Variants in ADGRG3 observed in about 807,000 individuals in gnomAD.
The protein encoded by ADGRG3 is adhesion G protein-coupled receptor G3.
A neutral mutation model predicts 54.3 loss-of-function variants in ADGRG3; 39 were observed. The observed-to-expected ratio is 0.72, with a 90% CI of 0.56 to 0.94. The LOEUF (loss-of-function observed/expected upper bound fraction) is 0.94. Ranked by LOEUF, ADGRG3 falls within the 40% of genes least tolerant of loss-of-function variation. The pLI, the probability that ADGRG3 is intolerant of heterozygous loss-of-function variation, is 0.00. For missense variants in ADGRG3, 654 were observed against 694.6 expected (o/e 0.94, Z 0.66); for synonymous variants, 312 against 290.0 (o/e 1.08, Z -0.77).
At chr16:57,675,012 A>AAAAAAAC (rs35561154) in intron 2 of ADGRG3, among the ~76,000 whole-genome samples, 1 of 115,458 alleles carries the variant, frequency 8.7e-6, no homozygotes, top group Admixed American at 1.1e-4. Context: ...AAAAAAAAAA[A>AAAAAAAC]AGCAGCAGCA....
At chr16:57,676,486 G>A in intron 3 of ADGRG3, 148 bp downstream of exon 3, 1 of 702,066 alleles carries the variant, frequency 1.4e-6, no homozygotes, top group Non-Finnish European at 2.3e-6. Flanking sequence ...TCTGTAAAAT[G>A]AGCTCTAAGA....
At chr16:57,675,835 G>A (rs1434439836) in intron 2 of ADGRG3, among the ~76,000 whole-genome samples, 1 of 152,146 alleles carries the variant, frequency 6.6e-6, no homozygotes, top group African/African-American at 2.4e-5. Flanking sequence ...AGCTTCATGG[G>A]TACGGGTTTC....
At chr16:57,667,075 C>G (rs1325833592), upstream of ADGRG3, among the ~76,000 whole-genome samples, 3 of 152,236 alleles carry the variant, frequency 2.0e-5, no homozygotes, top group African/African-American at 7.2e-5. Flanking sequence ...TCAGGAAGCC[C>G]TGGGCTCTGA....
intron 8 of ADGRG3, among the ~76,000 whole-genome samples, chr16:57,683,137 T>C (rs1447607773): frequency 6.6e-6 from 1 of 152,180 alleles, no homozygotes; most frequent in Non-Finnish European, 1.5e-5. Context: ...GGAAAGGCAT[T>C]GAGAACAGTG....
rs1269127036 is a variant in ADGRG3, at chr16:57,688,348, AC to A, written c.1541-3del. ...GGCTCACCGAGGCCTCTCCTTCCTA[AC>A]AGGTGTCTTCATCTGCTGCTGGTTC... is the stretch of plus-strand genomic sequence containing the variant. On this transcript the variant is annotated splice_region_variant and splice_polypyrimidine_tract_variant and intron_variant, in intron 11 of 11. Transcript: ENST00000333493. 3.1e-6 allele frequency: 5 copies of A among 1,596,864 alleles called. No homozygotes were observed. The highest frequency in any genetic ancestry group is 1.3e-5 in the African/African-American group (1 of 74,356).
At chr16:57,678,105 G>C in intron 3 of ADGRG3, 65 bp from the exon 4 acceptor site, 1 of 1,586,286 alleles carries the variant, frequency 6.3e-7, no homozygotes, top group South Asian at 1.1e-5. Flanking sequence ...CTCCCAGCTG[G>C]GGGAGTGGCA....
intron 5 of ADGRG3, 135 bp from the exon 6 acceptor site, chr16:57,679,681 C>T: frequency 1.3e-6 from 1 of 777,610 alleles, no homozygotes; most frequent in Non-Finnish European, 2.3e-6. Context: ...CTGTGTGGCC[C>T]ATGGGTGTGA....
intron 8 of ADGRG3, among the ~76,000 whole-genome samples, chr16:57,681,619 A>G (rs1046861516): frequency 6.6e-6 from 1 of 151,216 alleles, no homozygotes; most frequent in Non-Finnish European, 1.5e-5. Context: ...CCAGCTACTC[A>G]GGAGGTTGAG....
upstream of ADGRG3, among the ~76,000 whole-genome samples, chr16:57,666,612 G>A (rs2048063267): frequency 6.6e-6 from 1 of 152,218 alleles, no homozygotes; most frequent in South Asian, 2.1e-4. Flanking sequence ...GGAGGCGGCA[G>A]GAAGGGACAC....
chr16:57,667,583 C>T (rs1380600351), upstream of ADGRG3, among the ~76,000 whole-genome samples: 3 of 152,256 alleles, frequency 2.0e-5, no homozygotes, highest in African/African-American at 7.2e-5. Flanking sequence ...CCTCGGGAGG[C>T]TCAGGGTGAC....
rs1278117434 is a variant in ADGRG3 at position 57,684,465 on chromosome 16, A to G, written c.1238A>G (p.Asn413Ser). The G allele has an allele frequency of 2.5e-6, 4 of 1,613,496 alleles. No homozygotes were observed. The highest frequency in any genetic ancestry group is 8.5e-7 in the Non-Finnish European group (1 of 1,179,628). Residue 413 changes from asparagine to serine, a missense_variant, in exon 10 of 12, where the codon AAC becomes AGC. Asn to Ser is a conservative substitution (Grantham distance 46). Coordinates refer to ENST00000333493, the MANE Select transcript of ADGRG3 (RefSeq NM_170776.5). ...YGLYTIRDRE[N>S]RTSLELCWFR... is the part of the protein sequence containing the mutation. ...CTCTACACCATCCGTGATAGGGAGA[A>G]CCGCACCTCTCTGGAGCTGTGAGTG...
chr16:57,674,557 T>G (rs1159748401), intron 2 of ADGRG3: 1 of 455,184 alleles, frequency 2.2e-6, no homozygotes, highest in Admixed American at 2.4e-5. Context: ...GTTATTTCAG[T>G]GGCCTGAAAA....
intron 8 of ADGRG3, chr16:57,682,577 G>C (rs923394978): frequency 8.1e-6 from 8 of 985,336 alleles, no homozygotes. Context: ...GGCTTGGAGC[G>C]CCAGGAGAAA....
chr16:57,688,408 G>A lies in ADGRG3; in HGVS notation c.1597G>A (p.Val533Ile). Residue 533 changes from valine to isoleucine, a missense_variant, in exon 12 of 12, where the codon GTC (valine) becomes ATC (isoleucine). Physicochemically the swap from Val to Ile is conservative, Grantham distance 29. Transcript: ENST00000333493. ...ILYLPSQSTT[V>I]SSSTARLDQA... is the part of the protein sequence containing the mutation. The stretch of plus-strand genomic sequence containing the variant: ...TTACCTCCCAAGTCAGAGCACCACA[G>A]TCTCCTCCTCTACTGCAAGATTGGA... 10 of 1,613,788 alleles carry A rather than the reference G, an allele frequency of 6.2e-6. No individual in the cohort carries two copies. Among genetic ancestry groups the A allele is most frequent in the Non-Finnish European group, 8.5e-6 (10 of 1,179,722 alleles).
intron 5 of ADGRG3, 26 bp downstream of exon 5, chr16:57,679,337 G>A: frequency 6.2e-7 from 1 of 1,612,724 alleles, no homozygotes; most frequent in Non-Finnish European, 8.5e-7. Flanking sequence ...AGGCCTGGCA[G>A]CCACTGCAGG....
At chr16:57,686,103 A>G (rs2048468629) in intron 11 of ADGRG3, 177 bp downstream of exon 11, 8 of 641,774 alleles carry the variant, frequency 1.2e-5, no homozygotes, top group South Asian at 7.5e-5. Context: ...TGGCTGCTGT[A>G]TTAGTCCGTT....
chr16:57,673,254 C>T (rs2048194466), intron 1 of ADGRG3, 67 bp from the exon 2 acceptor site: 2 of 1,497,900 alleles, frequency 1.3e-6, no homozygotes, highest in Non-Finnish European at 1.8e-6. Flanking sequence ...CAGCTCCTTT[C>T]CCTGCTCCTC....
chr16:57,678,371 G>T, intron 4 of ADGRG3, 55 bp downstream of exon 4: 1 of 1,564,792 alleles, frequency 6.4e-7, no homozygotes, highest in Non-Finnish European at 8.8e-7. Context: ...GGGGCTCCAT[G>T]CCACAGTTTG....
intron 1 of ADGRG3, among the ~76,000 whole-genome samples, chr16:57,669,158 G>A (rs1456469684): frequency 6.6e-6 from 1 of 152,164 alleles, no homozygotes; most frequent in Non-Finnish European, 1.5e-5. Context: ...TCCCTCCTCA[G>A]TGCTCCTGTC....
Sources: gnomAD v4.1 joint callset for allele counts (sites outside exome capture counted in the v4.1 genomes callset) on GRCh38, gnomAD v4.1.1 for gene constraint, MANE v1.5 for transcripts, NCBI Gene and HGNC (gene_info 2026-07-23, HGNC 2026-07-21) for gene names.